SVIL: variants seen among roughly 807,000 people sequenced by gnomAD.
SVIL encodes the protein supervillin, also known as archvillin.
Under a neutral mutation model 240.4 loss-of-function variants are expected in SVIL, and 101 were observed. That is an observed-to-expected ratio of 0.42 (90% CI 0.36 to 0.50). The LOEUF is 0.50. Ranked by LOEUF, SVIL falls within the 20% of genes least tolerant of loss-of-function variation. The probability of loss-of-function intolerance (pLI) is 0.01; values close to 1 mark genes in which losing one functional copy is unlikely to be tolerated. For synonymous variants in SVIL, 999 were observed against 1,100.0 expected (o/e 0.91, Z 1.82); for missense variants, 2,512 against 2,818.7 (o/e 0.89, Z 2.46).
chr10:29,651,781 C>G (rs1343300430), intron 3 of SVIL, among the ~76,000 whole-genome samples: 3 of 152,150 alleles, frequency 2.0e-5, no homozygotes, highest in African/African-American at 7.2e-5. Context: ...ACACCTCAAA[C>G]TTAATATGTC....
intron 1 of SVIL, among the ~76,000 whole-genome samples, chr10:29,577,456 A>G (rs747653986): frequency 5.3e-5 from 8 of 152,208 alleles, no homozygotes; most frequent in Non-Finnish European, 1.0e-4. Flanking sequence ...TTCCTGAGTT[A>G]CTTCACTTAG....
In SVIL at chr10:29,532,591, G is replaced by T; in HGVS notation, c.1776C>A (p.Val592=). Residue 592 remains valine (V), a synonymous_variant, in exon 8 of 38, where the codon GTC becomes GTA. Transcript: ENST00000355867. ...YGEISMLDTK[V]SVAQLRSAFL... ...ACGCACTTCGGAGCTGGGCGACAGA[G>T]ACTTTTGTGTCCAGCATGCTGATCT... 1 of 1,613,972 alleles carries T rather than the reference G, an allele frequency of 6.2e-7. No homozygotes were observed. The highest frequency in any genetic ancestry group is 8.5e-7 in the Non-Finnish European group (1 of 1,179,830).
chr10:29,670,220 T>C (rs890044391), intron 2 of SVIL, among the ~76,000 whole-genome samples: 1 of 152,164 alleles, frequency 6.6e-6, no homozygotes, highest in African/African-American at 2.4e-5. Context: ...CCAGTTTAGA[T>C]ATTAATTTAA....
At chr10:29,603,720 C>T (rs912428525) in intron 1 of SVIL, among the ~76,000 whole-genome samples, 32 of 152,234 alleles carry the variant, frequency 2.1e-4, no homozygotes, top group Admixed American at 1.8e-3. Context: ...CACCCAGGGC[C>T]GGCCAGACTA....
chr10:29,470,624 G>A lies in SVIL; in HGVS notation c.5636-141C>T, dbSNP rs980465468. ...GACTTAGGGGACTGGAGGGGCTGAG[G>A]CACTGCACAGGGAGCCCTGTGGAGC... On this transcript the variant is annotated intron_variant, in intron 31 of 37. Transcript: ENST00000355867. 3 of 931,298 alleles carry A rather than the reference G, an allele frequency of 3.2e-6. No individual in the cohort carries two copies. In the African/African-American group the frequency reaches 4.9e-5, roughly 15 times the overall value. 57.7% of individuals were successfully genotyped at this position (931,298 alleles called of 1,614,324 possible). A position where few individuals can be genotyped will look rare whatever the true frequency, so the allele number is the denominator to read the frequency against.
chr10:29,598,828 TGTAG>T (rs1956699144), intron 1 of SVIL, among the ~76,000 whole-genome samples: 2 of 152,192 alleles, frequency 1.3e-5, no homozygotes, highest in Non-Finnish European at 2.9e-5. Context: ...ACAGCGGCTG[TGTAG>T]ATGCTGGACT....
intron 5 of SVIL, among the ~76,000 whole-genome samples, chr10:29,552,062 T>A (rs1311478227): frequency 6.6e-6 from 1 of 151,702 alleles, no homozygotes; most frequent in African/African-American, 2.4e-5. Context: ...TGCAGTAAGC[T>A]ATGATCGATC....
intron 1 of SVIL, among the ~76,000 whole-genome samples, chr10:29,700,964 T>A (rs1423427506): frequency 6.6e-6 from 1 of 152,226 alleles, no homozygotes; most frequent in South Asian, 2.1e-4. Flanking sequence ...TAGACCCAGC[T>A]GGTAGGGCCA....
At position 29,480,704 on chromosome 10, in the gene SVIL, C is replaced by G; in HGVS notation, c.5210G>C (p.Gly1737Ala). 6.2e-7 allele frequency: 1 copy of G among 1,614,180 alleles called. No homozygotes were observed. The highest frequency in any genetic ancestry group is 8.5e-7 in the Non-Finnish European group (1 of 1,180,028). The change falls in exon 29 of 38, where the codon GGC (glycine) becomes GCC (alanine). Residue 1737 changes from glycine (G) to alanine (A), a missense_variant. Gly to Ala is a moderately conservative substitution (Grantham distance 60, BLOSUM62 0). This residue lies in a region of SVIL where 797 missense variants were observed against 925.3 expected (regional missense o/e 0.86). Coordinates refer to ENST00000355867, the MANE Select transcript of SVIL (RefSeq NM_021738.3). The stretch of plus-strand genomic sequence containing the variant: ...CCTCCTGTCGTGTCCTTCCACCAGG[C>G]CATAGCCACGGCCGACGTTCACTCC... Reference protein sequence around the residue: ...LDGVNVGRGYGLVEGHDRRQF... With the variant: ...LDGVNVGRGYALVEGHDRRQF...
At chr10:29,541,607 C>G (rs1299136915) in intron 6 of SVIL, among the ~76,000 whole-genome samples, 1 of 152,086 alleles carries the variant, frequency 6.6e-6, no homozygotes. Flanking sequence ...ATGCTGTAAC[C>G]GCAGCCCAGA....
At chr10:29,716,057 A>T (rs952924274) in intron 1 of SVIL, among the ~76,000 whole-genome samples, 1 of 152,246 alleles carries the variant, frequency 6.6e-6, no homozygotes, top group Non-Finnish European at 1.5e-5. Context: ...TATATTGCTT[A>T]AAATATTATT....
Position 29,614,914 on chromosome 10 carries a change from C to T in SVIL, c.-201+19506G>A, listed in dbSNP as rs148732687. On this transcript the variant is annotated intron_variant, in intron 1 of 37. Coordinates refer to ENST00000355867, the MANE Select transcript of SVIL (RefSeq NM_021738.3). ...ATAAACATGCCCATGCTGCAAGTGG[C>T]GCTTTTGGTGTTCTACAGGCATAAA... is the stretch of plus-strand genomic sequence containing the variant. Among the ~76,000 whole-genome samples, 289 of 152,198 alleles carry T rather than the reference C, an allele frequency of 1.9e-3. 2 individuals are homozygous for T. The highest frequency in any genetic ancestry group is 6.2e-3 in the African/African-American group (256 of 41,528).
At chr10:29,618,103 G>C (rs1001174794) in intron 1 of SVIL, among the ~76,000 whole-genome samples, 3 of 152,206 alleles carry the variant, frequency 2.0e-5, no homozygotes, top group African/African-American at 7.2e-5. Context: ...GCTGACGCAG[G>C]CAGCAGAGCA....
At chr10:29,712,299 T>G (rs1379703997) in intron 1 of SVIL, among the ~76,000 whole-genome samples, 1 of 152,200 alleles carries the variant, frequency 6.6e-6, no homozygotes, top group Non-Finnish European at 1.5e-5. Context: ...GGATTCCTCA[T>G]GAATAGATTA....
At chr10:29,470,246 G>T (rs756725321) in intron 32 of SVIL, 30 bp downstream of exon 32, 2 of 636,674 alleles carry the variant, frequency 3.1e-6, no homozygotes, top group Non-Finnish European at 4.1e-6. Flanking sequence ...CCCGGTGTGT[G>T]GGGGGACTCG....
intron 1 of SVIL, among the ~76,000 whole-genome samples, chr10:29,613,306 T>C (rs1014954869): frequency 6.6e-5 from 10 of 151,954 alleles, no homozygotes; most frequent in Non-Finnish European, 1.0e-4. Flanking sequence ...CAGAAAGCCA[T>C]ATTTTTCAAG....
At chr10:29,678,142 A>T (rs2132577950) in intron 2 of SVIL, among the ~76,000 whole-genome samples, 1 of 151,976 alleles carries the variant, frequency 6.6e-6, no homozygotes, top group African/African-American at 2.4e-5. Context: ...GTTGAGGGGG[A>T]TGGTTTCAGG....
At chr10:29,504,562 A>C (rs1415470790) in intron 17 of SVIL, among the ~76,000 whole-genome samples, 1 of 152,244 alleles carries the variant, frequency 6.6e-6, no homozygotes, top group Non-Finnish European at 1.5e-5. Flanking sequence ...AAGAAGATAT[A>C]AGACAGAAAA....
intron 29 of SVIL, 89 bp downstream of exon 29, chr10:29,480,448 G>T (rs1052955453): frequency 1.3e-6 from 2 of 1,519,942 alleles, no homozygotes; most frequent in Non-Finnish European, 1.8e-6. Flanking sequence ...GCAGCAGAGG[G>T]CATGACAGGG....
Sources: allele counts gnomAD v4.1 joint callset (sites outside exome capture counted in the v4.1 genomes callset), GRCh38; gene constraint gnomAD v4.1.1; regional missense constraint gnomAD v4.1.1; transcripts MANE v1.5; gene names NCBI Gene and HGNC (gene_info 2026-07-23, HGNC 2026-07-21).